MLLT10: variants seen among roughly 807,000 people sequenced by gnomAD.
MLLT10 encodes protein AF-10.
In MLLT10, 30 loss-of-function variants were observed where a neutral mutation model predicts 129.1. That is an observed-to-expected ratio of 0.23 (90% CI 0.17 to 0.32). The LOEUF is 0.32. Among genes scored for constraint, MLLT10 ranks in the 10% least tolerant of loss-of-function variants. The pLI is 1.00. For missense variants in MLLT10, 1,119 were observed against 1,268.3 expected (o/e 0.88, Z 1.79); for synonymous variants, 490 against 446.4 (o/e 1.10, Z -1.23).
At chr10:21,737,824 T>C (rs923145414) in intron 21 of MLLT10, among the ~76,000 whole-genome samples, 16 of 152,114 alleles carry the variant, frequency 1.1e-4, no homozygotes, top group South Asian at 2.1e-4. Context: ...TTAATTAACA[T>C]AGAAATTACA....
chr10:21,642,715 C>A (rs1259896211), intron 8 of MLLT10, among the ~76,000 whole-genome samples: 5 of 150,812 alleles, frequency 3.3e-5, no homozygotes, highest in Non-Finnish European at 5.9e-5. Flanking sequence ...CTGATTGAAA[C>A]CTATTCCAGG....
At chr10:21,695,286 C>T (rs910298441) in intron 13 of MLLT10, among the ~76,000 whole-genome samples, 1 of 152,092 alleles carries the variant, frequency 6.6e-6, no homozygotes, top group Non-Finnish European at 1.5e-5. Context: ...TGAGCCACTG[C>T]ACTCAGCCCC....
chr10:21,625,220 C>G (rs2046316186), intron 8 of MLLT10: 5 of 1,491,522 alleles, frequency 3.4e-6, no homozygotes, highest in Non-Finnish European at 1.9e-6. Context: ...GCGCTCTTTC[C>G]TTTTCTTGTC....
chr10:21,559,908 C>T (rs2038582563), intron 3 of MLLT10, among the ~76,000 whole-genome samples: 1 of 152,018 alleles, frequency 6.6e-6, no homozygotes, highest in African/African-American at 2.4e-5. Context: ...TAATGCTGAG[C>T]TGAACACTGG....
intron 9 of MLLT10, among the ~76,000 whole-genome samples, chr10:21,658,288 A>C (rs1434258693): frequency 6.6e-6 from 1 of 152,184 alleles, no homozygotes; most frequent in Non-Finnish European, 1.5e-5. Flanking sequence ...TCCTTCCCCA[A>C]GCAACTACTG....
chr10:21,590,539 A>G (rs746633815), intron 4 of MLLT10, among the ~76,000 whole-genome samples: 11 of 152,022 alleles, frequency 7.2e-5, no homozygotes, highest in Admixed American at 2.0e-4. Flanking sequence ...GGATCTCACC[A>G]TGTTGGCCAG....
intron 13 of MLLT10, chr10:21,708,639 T>A: frequency 2.0e-6 from 2 of 985,336 alleles, no homozygotes; most frequent in Non-Finnish European, 2.4e-6. Flanking sequence ...ATTGCACATT[T>A]AGCTGCGTAA....
intron 3 of MLLT10, among the ~76,000 whole-genome samples, chr10:21,560,497 C>G (rs2038665938): frequency 6.6e-6 from 1 of 152,068 alleles, no homozygotes; most frequent in Non-Finnish European, 1.5e-5. Flanking sequence ...AGTGCAGTGG[C>G]TTAAACATGG....
In MLLT10 at chr10:21,732,828, C is replaced by T. The variant is rs556417691; in HGVS notation, c.2219-71C>T. ...TATTTTAACTTATTTCTAAGGTTAC[C>T]GGCACTGCGTAAAATACTTAGTCTT... On this transcript the variant is annotated intron_variant, in intron 17 of 22. Transcript: ENST00000307729. 23 of 1,214,514 alleles carry T rather than the reference C, an allele frequency of 1.9e-5. No homozygotes were observed. The African/African-American group carries it at 2.3e-4, about 12-fold the overall frequency. The allele number at this position is 1,214,514 out of a possible 1,614,324, so 75.2% of individuals were successfully genotyped here. A position where few individuals can be genotyped will look rare whatever the true frequency, so the allele number is the denominator to read the frequency against.
At chr10:21,693,508 T>G (rs2054077057) in intron 13 of MLLT10, among the ~76,000 whole-genome samples, 1 of 152,138 alleles carries the variant, frequency 6.6e-6, no homozygotes, top group Non-Finnish European at 1.5e-5. Context: ...CCCAATTTAC[T>G]TATTCCTATT....
At chr10:21,662,189 C>T (rs1044025296) in intron 9 of MLLT10, among the ~76,000 whole-genome samples, 1 of 151,812 alleles carries the variant, frequency 6.6e-6, no homozygotes, top group Non-Finnish European at 1.5e-5. Context: ...CTTCCCTTAC[C>T]CCCTCCTTTT....
intron 8 of MLLT10, among the ~76,000 whole-genome samples, chr10:21,623,119 A>G (rs2046061751): frequency 6.6e-6 from 1 of 152,164 alleles, no homozygotes; most frequent in Admixed American, 6.5e-5. Flanking sequence ...GGTTGTGTTC[A>G]CTGATCAGGA....
intron 4 of MLLT10, among the ~76,000 whole-genome samples, chr10:21,588,826 CTTTT>C (rs1187261721): frequency 7.3e-6 from 1 of 137,076 alleles, no homozygotes. Flanking sequence ...TGATCTTTTT[CTTTT>C]TTTTTTTTTT....
chr10:21,737,847 C>T (rs2058501128), intron 21 of MLLT10, among the ~76,000 whole-genome samples: 1 of 151,966 alleles, frequency 6.6e-6, no homozygotes, highest in Admixed American at 6.5e-5. Context: ...GGCTGACATC[C>T]TTTCTAAGTA....
chr10:21,564,805 CAA>C lies in MLLT10; in HGVS notation c.241-21488_241-21487del, dbSNP rs2039337513. ...CACCATTGCACTCTAGCCTGGGCAA[CAA>C]GAGCGAAACTCCATCTCAAAAAAAA... On this transcript the variant is annotated intron_variant, in intron 3 of 22. Transcript: ENST00000307729. Among the ~76,000 whole-genome samples the C allele has an allele frequency of 4.3e-5, 6 of 139,392 alleles. No individual in the cohort carries two copies. The South Asian group carries it at 1.4e-3, about 31-fold the overall frequency. 91.4% of individuals were successfully genotyped at this position (139,392 alleles called of 152,430 possible).
intron 15 of MLLT10, among the ~76,000 whole-genome samples, chr10:21,726,681 C>CTTTTTT (rs35036202): frequency 3.1e-3 from 269 of 87,578 alleles, no homozygotes; most frequent in Non-Finnish European, 3.6e-3. Flanking sequence ...TAGCAATGTC[C>CTTTTTT]TTTTTTTTTT....
At chr10:21,566,270 T>C (rs2039543368) in intron 3 of MLLT10, among the ~76,000 whole-genome samples, 1 of 151,378 alleles carries the variant, frequency 6.6e-6, no homozygotes, top group Non-Finnish European at 1.5e-5. Flanking sequence ...TTGTCTTTTA[T>C]TTGCTGTATT....
intron 9 of MLLT10, among the ~76,000 whole-genome samples, chr10:21,657,609 T>A (rs573375221): frequency 2.6e-4 from 40 of 152,242 alleles, no homozygotes; most frequent in Non-Finnish European, 4.1e-4. Context: ...TTTCTCAGCG[T>A]CATTATAAAT....
intron 5 of MLLT10, among the ~76,000 whole-genome samples, chr10:21,598,041 A>C (rs2131141767): frequency 6.6e-6 from 1 of 152,302 alleles, no homozygotes; most frequent in Middle Eastern, 3.4e-3. Context: ...TTTCCTCACT[A>C]ATTTTAGCAT....
Sources: gnomAD v4.1 joint callset for allele counts (sites outside exome capture counted in the v4.1 genomes callset) on GRCh38, gnomAD v4.1.1 for gene constraint, MANE v1.5 for transcripts, NCBI Gene and HGNC (gene_info 2026-07-23, HGNC 2026-07-21) for gene names.